IL21R: variants seen among roughly 807,000 people sequenced by gnomAD.
The protein encoded by IL21R is interleukin 21 receptor.
Under a neutral mutation model 41.3 loss-of-function variants are expected in IL21R, and 14 were observed. The observed-to-expected ratio is 0.34, with a 90% CI of 0.22 to 0.53. IL21R has a LOEUF of 0.53. IL21R is among the 20% of genes least tolerant of loss of function. The probability of loss-of-function intolerance (pLI) is 0.94; values close to 1 mark genes in which losing one functional copy is unlikely to be tolerated. For missense variants in IL21R, 588 were observed against 681.6 expected, an observed-to-expected ratio of 0.86 and a Z score of 1.53; for synonymous variants, 286 against 287.6, an observed-to-expected ratio of 0.99 and a Z score of 0.05.
At chr16:27,425,331 T>C (rs564140801) in intron 1 of IL21R, among the ~76,000 whole-genome samples, 2 of 152,212 alleles carry the variant, frequency 1.3e-5, no homozygotes, top group East Asian at 3.9e-4. Context: ...GTAGGCCCCA[T>C]TTGGTGCTGT....
At chr16:27,404,230 T>G (rs759092846) in intron 1 of IL21R, among the ~76,000 whole-genome samples, 3 of 152,060 alleles carry the variant, frequency 2.0e-5, no homozygotes, top group Admixed American at 6.6e-5. Context: ...GGATCCTTAC[T>G]CAGTCCCACA....
Position 27,442,943 on chromosome 16 carries a change from C to A in IL21R, c.353-19C>A. 6.4e-7 allele frequency: 1 copy of A among 1,564,668 alleles called. No individual in the cohort carries two copies. The highest frequency in any genetic ancestry group is 8.7e-7 in the Non-Finnish European group (1 of 1,153,572). On this transcript the variant is annotated intron_variant, in intron 4 of 8. Coordinates refer to ENST00000337929, the MANE Select transcript of IL21R (RefSeq NM_181078.3). The stretch of plus-strand genomic sequence containing the variant: ...GCAAATTCTCACCCCATTTTCTTTT[C>A]CTGGGTTTTTCCACCAAGTCAAGCC...
intron 1 of IL21R, among the ~76,000 whole-genome samples, chr16:27,418,654 G>A (rs1282769906): frequency 6.6e-6 from 1 of 152,182 alleles, no homozygotes; most frequent in Non-Finnish European, 1.5e-5. Flanking sequence ...ACAGGCATGA[G>A]CCGCTGCGCC....
chr16:27,443,962 T>G (rs1168113431), intron 5 of IL21R: 2 of 151,944 alleles, frequency 1.3e-5, no homozygotes, highest in African/African-American at 2.4e-5. Context: ...TGCCCATCCT[T>G]TAGGATAGTC....
chr16:27,428,241 C>T (rs1361953976), intron 1 of IL21R, among the ~76,000 whole-genome samples: 1 of 152,234 alleles, frequency 6.6e-6, no homozygotes, highest in Non-Finnish European at 1.5e-5. Flanking sequence ...TTACAAGGCT[C>T]AGAGAGGGCA....
At chr16:27,417,639 C>T (rs1423709576) in intron 1 of IL21R, among the ~76,000 whole-genome samples, 2 of 120,908 alleles carry the variant, frequency 1.7e-5, no homozygotes, top group Non-Finnish European at 3.3e-5. Flanking sequence ...CTACTACACA[C>T]CTAGGCTGTA....
intron 2 of IL21R, among the ~76,000 whole-genome samples, chr16:27,433,834 G>A (rs2087217064): frequency 6.6e-6 from 1 of 152,138 alleles, no homozygotes; most frequent in South Asian, 2.1e-4. Context: ...CCGAGAGTGG[G>A]TGTCCTGTGG....
chr16:27,422,025 C>G (rs2087007833), intron 1 of IL21R, among the ~76,000 whole-genome samples: 1 of 151,916 alleles, frequency 6.6e-6, no homozygotes, highest in Admixed American at 6.6e-5. Flanking sequence ...ATCATATTGA[C>G]CTTACTTTTA....
chr16:27,440,408 G>C lies in IL21R; in HGVS notation c.353-2554G>C, dbSNP rs138026575. On this transcript the variant is annotated intron_variant, in intron 4 of 8. Coordinates refer to ENST00000337929, the MANE Select transcript of IL21R (RefSeq NM_181078.3). ...CCCACTTCGGCCTCCTGAGTGGTTGGGACTACAGGTGCACATCACCATCCT... is the reference window on the plus strand; with the variant it reads ...CCCACTTCGGCCTCCTGAGTGGTTGCGACTACAGGTGCACATCACCATCCT... 8.5e-4 allele frequency among the ~76,000 whole-genome samples: 129 copies of C among 151,628 alleles called. 2 individuals are homozygous for C. The East Asian group carries it at 0.023, about 27-fold the overall frequency.
At chr16:27,418,011 ATTTAT>A (rs1171442663) in intron 1 of IL21R, among the ~76,000 whole-genome samples, 15,299 of 97,576 alleles carry the variant, frequency 0.16, 912 homozygotes, top group East Asian at 0.29. Flanking sequence ...TTCCTATTTT[ATTTAT>A]TTTATTTTAT....
chr16:27,420,516 G>C (rs1256254053), intron 1 of IL21R, among the ~76,000 whole-genome samples: 1 of 152,206 alleles, frequency 6.6e-6, no homozygotes, highest in Non-Finnish European at 1.5e-5. Context: ...TGCATGTGAA[G>C]TGGTATCTCA....
intron 1 of IL21R, among the ~76,000 whole-genome samples, chr16:27,417,161 TTC>T (rs2086902954): frequency 1.1e-5 from 1 of 93,964 alleles, no homozygotes. Context: ...CTTTTTTCTT[TTC>T]TTTTTTTTTT....
In IL21R at chr16:27,449,263, C is replaced by T. The variant is rs2087547457; in HGVS notation, c.1597C>T (p.Pro533Ser). The change falls in exon 9 of 9, where the codon CCT (proline) becomes TCT (serine). Residue 533 changes from proline (P) to serine (S), a missense_variant. Pro to Ser is a moderately conservative substitution (Grantham distance 74). Coordinates refer to ENST00000337929, the MANE Select transcript of IL21R (RefSeq NM_181078.3). ...GGTCATTCCTCCGCCACTTTCGAGC[C>T]CTGGACCCCAGGCCAGCTAATGAGG... The part of the protein sequence containing the change: ...WVVIPPPLSS[P>S]GPQAS The T allele has an allele frequency of 6.2e-7, 1 of 1,604,556 alleles. No individual in the cohort carries two copies.
intron 1 of IL21R, among the ~76,000 whole-genome samples, chr16:27,429,422 A>C (rs899596984): frequency 5.9e-5 from 9 of 152,092 alleles, no homozygotes; most frequent in African/African-American, 2.2e-4. Context: ...TTCACACACA[A>C]TGCTACATCA....
chr16:27,440,220 CAAATATATAT>C (rs1248320735), intron 4 of IL21R, among the ~76,000 whole-genome samples: 5 of 64,590 alleles, frequency 7.7e-5, no homozygotes, highest in African/African-American at 3.4e-4. Flanking sequence ...GTTAATCTGA[CAAATATATAT>C]ATATATATAT....
At chr16:27,415,074 G>A (rs56383417) in intron 1 of IL21R, among the ~76,000 whole-genome samples, 4,172 of 152,198 alleles carry the variant, frequency 0.027, 183 homozygotes, top group African/African-American at 0.096. Flanking sequence ...CTCCGTGGCC[G>A]ATCATCCATA....
At chr16:27,421,116 C>T (rs2086992810) in intron 1 of IL21R, among the ~76,000 whole-genome samples, 1 of 152,092 alleles carries the variant, frequency 6.6e-6, no homozygotes, top group Admixed American at 6.5e-5. Context: ...ATCGGTTAAA[C>T]ATAAATATAT....
chr16:27,420,402 G>T (rs1262056957), intron 1 of IL21R, among the ~76,000 whole-genome samples: 1 of 152,128 alleles, frequency 6.6e-6, no homozygotes, highest in African/African-American at 2.4e-5. Context: ...TTAACATTTT[G>T]AAGAACTGCA....
At chr16:27,413,361 A>G (rs983754041) in intron 1 of IL21R, among the ~76,000 whole-genome samples, 2 of 152,058 alleles carry the variant, frequency 1.3e-5, no homozygotes, top group Admixed American at 6.6e-5. Flanking sequence ...TTGGTTTGCT[A>G]GCATTTTGTT....
Sources: allele counts gnomAD v4.1 joint callset (sites outside exome capture counted in the v4.1 genomes callset), GRCh38; gene constraint gnomAD v4.1.1; transcripts MANE v1.5; gene names NCBI Gene and HGNC (gene_info 2026-07-23, HGNC 2026-07-21).